The following CRYZ variants were observed in gnomAD, a reference collection of about 807,000 sequenced individuals.
The protein encoded by CRYZ is zeta-crystallin.
Under a neutral mutation model 34.1 loss-of-function variants are expected in CRYZ, and 35 were observed. The observed-to-expected ratio is 1.03, with a 90% CI of 0.78 to 1.36. The LOEUF (loss-of-function observed/expected upper bound fraction) is 1.36, where lower values mean the gene tolerates loss of function less well. Ranked by LOEUF, CRYZ falls within the 40% of genes most tolerant of loss-of-function variation. CRYZ has a pLI of 0.00. For synonymous variants in CRYZ, 137 were observed against 136.5 expected (o/e 1.00, Z -0.03); for missense variants, 403 against 391.8 (o/e 1.03, Z -0.24).
At position 74,719,295 on chromosome 1, in the gene CRYZ, AAC is replaced by A. The variant is rs1481636542; in HGVS notation, c.340_341del (p.Val114LeufsTer5). 1 of 1,613,968 alleles carries A rather than the reference AAC, an allele frequency of 6.2e-7. No individual in the cohort carries two copies. Among genetic ancestry groups the A allele is most frequent in the East Asian group, 2.2e-5 (1 of 44,878 alleles). ...AEYALAADHT[V>X]YKLPEKLDFK... ...AGTCCAGTTTTTCAGGTAGTTTGTA[AAC>A]AGTGTGGTCTGCTGCAAGAGCATAC... is the stretch of plus-strand genomic sequence containing the variant. On this transcript the variant is annotated frameshift_variant, in exon 4 of 9. Coordinates refer to ENST00000340866, the MANE Select transcript of CRYZ (RefSeq NM_001889.4). LOFTEE classifies it high-confidence loss of function.
intron 1 of CRYZ, among the ~76,000 whole-genome samples, chr1:74,729,478 C>CAAA (rs5775262): frequency 2.4e-5 from 3 of 123,926 alleles, no homozygotes; most frequent in African/African-American, 6.3e-5. Context: ...GCCATCTCTA[C>CAAA]AAAAAAAAAA....
chr1:74,728,888 A>G (rs1274435468), intron 1 of CRYZ, among the ~76,000 whole-genome samples: 1 of 152,154 alleles, frequency 6.6e-6, no homozygotes, highest in African/African-American at 2.4e-5. Context: ...TACGGCATAA[A>G]CACTGCACTT....
chr1:74,726,020 A>G (rs888791515), intron 1 of CRYZ, among the ~76,000 whole-genome samples: 1 of 152,222 alleles, frequency 6.6e-6, no homozygotes, highest in African/African-American at 2.4e-5. Flanking sequence ...GTGGCTTTGC[A>G]GGGTAAGCCT....
At chr1:74,709,555 T>A (rs1433469731) in intron 6 of CRYZ, among the ~76,000 whole-genome samples, 1 of 152,184 alleles carries the variant, frequency 6.6e-6, no homozygotes, top group Non-Finnish European at 1.5e-5. Flanking sequence ...TTTAGCAAAT[T>A]GCTAATATAG....
Position 74,731,268 on chromosome 1 carries a change from T to C in CRYZ, c.-14+1688A>G, listed in dbSNP as rs191357902. Reference sequence around the variant, plus strand: ...TTGATTTAAACGAAAATTAAAGGAATTGGGAAAATGTTAGGAGTATATTTT... The same window carrying C: ...TTGATTTAAACGAAAATTAAAGGAACTGGGAAAATGTTAGGAGTATATTTT... On this transcript the variant is annotated intron_variant, in intron 1 of 8. Transcript: ENST00000340866. Among the ~76,000 whole-genome samples, 13 of 152,298 alleles carry C rather than the reference T, an allele frequency of 8.5e-5. No homozygotes were observed. The East Asian group carries it at 2.3e-3, about 27-fold the overall frequency.
intron 5 of CRYZ, among the ~76,000 whole-genome samples, chr1:74,712,043 C>T (rs1460680594): frequency 6.6e-6 from 1 of 152,108 alleles, no homozygotes; most frequent in Non-Finnish European, 1.5e-5. Flanking sequence ...AAAATCCCAG[C>T]CTCCCAAAAT....
chr1:74,715,175 AG>A (rs1354106508), intron 4 of CRYZ, among the ~76,000 whole-genome samples: 1 of 152,202 alleles, frequency 6.6e-6, no homozygotes, highest in Non-Finnish European at 1.5e-5. Context: ...GAGTTAGCAA[AG>A]GTCAGAGAGT....
intron 6 of CRYZ, chr1:74,707,957 A>C (rs767074648): frequency 1.3e-5 from 2 of 152,146 alleles, no homozygotes; most frequent in African/African-American, 2.4e-5. Context: ...CAGAGAAAAA[A>C]GGTTAAGGTT....
intron 4 of CRYZ, among the ~76,000 whole-genome samples, chr1:74,714,923 G>A (rs1274141369): frequency 6.6e-6 from 1 of 152,086 alleles, no homozygotes; most frequent in Non-Finnish European, 1.5e-5. Flanking sequence ...CAGTCCTTGT[G>A]GGTTGTGAAG....
intron 1 of CRYZ, among the ~76,000 whole-genome samples, chr1:74,729,252 C>T (rs1022560643): frequency 6.6e-6 from 1 of 151,670 alleles, no homozygotes; most frequent in Non-Finnish European, 1.5e-5. Flanking sequence ...GGCAGTCAAC[C>T]TCTTGATGCT....
intron 6 of CRYZ, among the ~76,000 whole-genome samples, chr1:74,709,504 T>C (rs2032968): frequency 0.38 from 57,625 of 152,102 alleles, 12,740 homozygotes; most frequent in Non-Finnish European, 0.51. Flanking sequence ...CTAATCTCCC[T>C]AACGTGAGGA....
At chr1:74,711,942 T>C (rs1647009749) in intron 5 of CRYZ, among the ~76,000 whole-genome samples, 1 of 152,110 alleles carries the variant, frequency 6.6e-6, no homozygotes, top group South Asian at 2.1e-4. Flanking sequence ...TGGAACATGG[T>C]GGCTCATGCC....
At chr1:74,722,479 A>G (rs551816342) in intron 3 of CRYZ, among the ~76,000 whole-genome samples, 5 of 152,264 alleles carry the variant, frequency 3.3e-5, no homozygotes, top group African/African-American at 1.2e-4. Context: ...ACAGGGGCAC[A>G]GTAATCTTCT....
chr1:74,719,161 C>G (rs1286692472), intron 4 of CRYZ, 48 bp downstream of exon 4: 10 of 1,591,118 alleles, frequency 6.3e-6, no homozygotes, highest in Non-Finnish European at 8.6e-6. Flanking sequence ...GCAGTTAACA[C>G]TACCCTCTTT....
chr1:74,724,320 A>G (rs1292009229), intron 2 of CRYZ, among the ~76,000 whole-genome samples: 2 of 152,216 alleles, frequency 1.3e-5, no homozygotes, highest in African/African-American at 4.8e-5. Flanking sequence ...ATATACTTAA[A>G]TTCTCATGAA....
chr1:74,708,685 T>C (rs1646963012), intron 6 of CRYZ: 1 of 151,686 alleles, frequency 6.6e-6, no homozygotes, highest in South Asian at 2.1e-4. Flanking sequence ...ACCAGATGAG[T>C]AGCAATGTCT....
intron 1 of CRYZ, among the ~76,000 whole-genome samples, chr1:74,731,750 A>C (rs1647756829): frequency 6.6e-6 from 1 of 152,130 alleles, no homozygotes; most frequent in African/African-American, 2.4e-5. Flanking sequence ...CTTCAGAGGG[A>C]CTCGCACAAC....
At chr1:74,708,013 T>A (rs1569967042) in intron 6 of CRYZ, 1 of 151,924 alleles carries the variant, frequency 6.6e-6, no homozygotes, top group Admixed American at 6.6e-5. Context: ...GACGATGAAC[T>A]GGGCCCTCAG....
intron 1 of CRYZ, among the ~76,000 whole-genome samples, chr1:74,731,065 C>T (rs1299296230): frequency 6.6e-6 from 1 of 152,174 alleles, no homozygotes; most frequent in East Asian, 1.9e-4. Context: ...AACTATACTT[C>T]AAATAGGCCT....
Sources: gnomAD v4.1 joint callset for allele counts (sites outside exome capture counted in the v4.1 genomes callset) on GRCh38, gnomAD v4.1.1 for gene constraint, MANE v1.5 for transcripts, NCBI Gene and HGNC (gene_info 2026-07-23, HGNC 2026-07-21) for gene names.